PPP3CA: variants seen among roughly 807,000 people sequenced by gnomAD.
PPP3CA encodes protein phosphatase 3 catalytic subunit alpha.
A neutral mutation model predicts 66.5 loss-of-function variants in PPP3CA; 14 were observed. The observed-to-expected ratio is 0.21, with a 90% CI of 0.14 to 0.33. PPP3CA has a LOEUF of 0.33. Ranked by LOEUF, PPP3CA falls within the 10% of genes least tolerant of loss-of-function variation. The probability of loss-of-function intolerance (pLI) is 1.00; values close to 1 mark genes in which losing one functional copy is unlikely to be tolerated. For synonymous variants in PPP3CA, 232 were observed against 226.2 expected (o/e 1.03, Z -0.23); for missense variants, 317 against 639.5 (o/e 0.50, Z 5.44).
intron 13 of PPP3CA, 103 bp from the exon 14 acceptor site, chr4:101,026,164 G>T: frequency 2.1e-6 from 2 of 947,030 alleles, no homozygotes; most frequent in Non-Finnish European, 3.1e-6. Flanking sequence ...CAGTGAGAGG[G>T]AATCCTTCAG....
At chr4:101,330,956 G>A (rs900967805) in intron 1 of PPP3CA, among the ~76,000 whole-genome samples, 4 of 145,894 alleles carry the variant, frequency 2.7e-5, no homozygotes, top group Non-Finnish European at 5.9e-5. Flanking sequence ...TCCCATTGTT[G>A]TGGGCCTCAA....
intron 1 of PPP3CA, among the ~76,000 whole-genome samples, chr4:101,236,890 T>A (rs571645983): frequency 3.3e-5 from 5 of 151,644 alleles, no homozygotes; most frequent in African/African-American, 1.2e-4. Flanking sequence ...TTTTTCTGCC[T>A]ACTAGTTATA....
Position 101,040,475 on chromosome 4 carries a change from C to A in PPP3CA, c.1241+7G>T. The A allele has an allele frequency of 6.3e-7, 1 of 1,589,350 alleles. No individual in the cohort carries two copies. Among genetic ancestry groups the A allele is most frequent in the Non-Finnish European group, 8.6e-7 (1 of 1,167,184 alleles). On this transcript the variant is annotated splice_region_variant and intron_variant, in intron 11 of 13. Transcript: ENST00000394854. ...TTGAAACAAAAACAGAGTACGAATGCACCCACCTGAGCACTGAGAACACTC... is the reference window on the plus strand; with the variant it reads ...TTGAAACAAAAACAGAGTACGAATGAACCCACCTGAGCACTGAGAACACTC...
At chr4:101,039,667 T>C (rs1269497953) in intron 11 of PPP3CA, among the ~76,000 whole-genome samples, 1 of 144,174 alleles carries the variant, frequency 6.9e-6, no homozygotes. Context: ...AGGAAGAGGA[T>C]AGAAATAGCA....
intron 6 of PPP3CA, among the ~76,000 whole-genome samples, chr4:101,089,663 T>C (rs538681185): frequency 6.6e-6 from 1 of 152,328 alleles, no homozygotes; most frequent in Admixed American, 6.5e-5. Flanking sequence ...TTGGTCTACA[T>C]GAAATGAAAA....
chr4:101,164,094 G>GCCTCC (rs1303482765), intron 2 of PPP3CA, among the ~76,000 whole-genome samples: 1 of 15,996 alleles, frequency 6.3e-5, no homozygotes, highest in African/African-American at 3.5e-4. Flanking sequence ...CTGATCCTCT[G>GCCTCC]TGAAGAGCCC....
chr4:101,234,615 G>A (rs1726069817), intron 1 of PPP3CA, among the ~76,000 whole-genome samples: 1 of 150,198 alleles, frequency 6.7e-6, no homozygotes. Context: ...TTTATTAAAT[G>A]CTTTAGGTTA....
rs74947807 is a variant in PPP3CA, at chr4:101,073,228, C to CGTGTGTGTGT, written c.955+7294_955+7303dup. On this transcript the variant is annotated intron_variant, in intron 8 of 13. Coordinates refer to ENST00000394854, the MANE Select transcript of PPP3CA (RefSeq NM_000944.5). ...TCTTTTCTACCACCATATATATATA[C>CGTGTGTGTGT]GTGTGTGTGTGTGTGTGTGTGTGTG... Among the ~76,000 whole-genome samples the CGTGTGTGTGT allele has an allele frequency of 9.7e-4, 140 of 143,818 alleles. 1 individual carries two copies. Among genetic ancestry groups the CGTGTGTGTGT allele is most frequent in the African/African-American group, 3.4e-3 (134 of 39,014 alleles). 94.4% of individuals were successfully genotyped at this position (143,818 alleles called of 152,430 possible). A position where few individuals can be genotyped will look rare whatever the true frequency, so the allele number is the denominator to read the frequency against.
intron 1 of PPP3CA, among the ~76,000 whole-genome samples, chr4:101,236,013 A>C (rs968725043): frequency 5.3e-5 from 8 of 151,532 alleles, no homozygotes; most frequent in Non-Finnish European, 7.4e-5. Context: ...CTGATACAAA[A>C]CACTGACTGC....
At chr4:101,092,612 G>C (rs1578438665) in intron 6 of PPP3CA, among the ~76,000 whole-genome samples, 1 of 151,966 alleles carries the variant, frequency 6.6e-6, no homozygotes. Flanking sequence ...ACAGGCCCTG[G>C]TGTGTGATGT....
intron 1 of PPP3CA, among the ~76,000 whole-genome samples, chr4:101,292,523 G>A (rs984700307): frequency 6.6e-6 from 1 of 152,130 alleles, no homozygotes; most frequent in African/African-American, 2.4e-5. Context: ...TCACTAACAC[G>A]AGTCCTCTTA....
intron 1 of PPP3CA, among the ~76,000 whole-genome samples, chr4:101,228,362 A>C (rs1407359287): frequency 6.6e-6 from 1 of 151,600 alleles, no homozygotes; most frequent in Non-Finnish European, 1.5e-5. Flanking sequence ...CACAATTCAA[A>C]ATTATGAACA....
chr4:101,334,796 T>A (rs1578200797), intron 1 of PPP3CA, among the ~76,000 whole-genome samples: 1 of 152,128 alleles, frequency 6.6e-6, no homozygotes, highest in African/African-American at 2.4e-5. Context: ...CCATGACAGG[T>A]CTCGGCCTTT....
In PPP3CA at chr4:101,048,166, C is replaced by G. The variant is rs564523941; in HGVS notation, c.1157-7600G>C. Among the ~76,000 whole-genome samples the G allele has an allele frequency of 5.3e-4, 80 of 152,110 alleles. 2 individuals carry two copies. The South Asian group carries it at 0.015, about 29-fold the overall frequency. On this transcript the variant is annotated intron_variant, in intron 10 of 13. Transcript: ENST00000394854. ...CCTTTCTGTTAAAATGGAAAAAGGG[C>G]ATTTGAGAAAGAGGAGGCGGGAAAG...
chr4:101,212,177 C>T (rs1024611983), intron 1 of PPP3CA, among the ~76,000 whole-genome samples: 1 of 152,084 alleles, frequency 6.6e-6, no homozygotes, highest in Non-Finnish European at 1.5e-5. Flanking sequence ...TACTTGAAAA[C>T]TCTCATTTGG....
rs562368049 is a variant in PPP3CA, at chr4:101,048,815, A to C, written c.1157-8249T>G. On this transcript the variant is annotated intron_variant, in intron 10 of 13. Transcript: ENST00000394854. Reference sequence around the variant, plus strand: ...TTGACTACAATCTCAGTATATATTAAGAGCCTGCAATGAATGGTGTGATAT... The same window carrying C: ...TTGACTACAATCTCAGTATATATTACGAGCCTGCAATGAATGGTGTGATAT... Among the ~76,000 whole-genome samples, 7 of 152,266 alleles carry C rather than the reference A, an allele frequency of 4.6e-5. No homozygotes were observed. The South Asian group carries it at 1.4e-3, about 32-fold the overall frequency.
At position 101,347,165 on chromosome 4, in the gene PPP3CA, C is replaced by T. The variant is rs1730039340; in HGVS notation, c.-369G>A. 1 of 391,862 alleles carries T rather than the reference C, an allele frequency of 2.6e-6. No individual in the cohort carries two copies. The highest frequency in any genetic ancestry group is 4.7e-6 in the Non-Finnish European group (1 of 213,412). 24.3% of individuals were successfully genotyped at this position (391,862 alleles called of 1,614,324 possible). A position where few individuals can be genotyped will look rare whatever the true frequency, so the allele number is the denominator to read the frequency against. On this transcript the variant is annotated 5_prime_UTR_variant, in exon 1 of 14. Coordinates refer to ENST00000394854, the MANE Select transcript of PPP3CA (RefSeq NM_000944.5). Reference sequence around the variant, plus strand: ...ACGAGCACCCACCCCGGCACGGAGACCCAGCACCGCGGAATGGAGCCCCAC... The same window carrying T: ...ACGAGCACCCACCCCGGCACGGAGATCCAGCACCGCGGAATGGAGCCCCAC...
At chr4:101,224,114 C>T (rs895738293) in intron 1 of PPP3CA, among the ~76,000 whole-genome samples, 4 of 151,604 alleles carry the variant, frequency 2.6e-5, no homozygotes, top group Non-Finnish European at 5.9e-5. Flanking sequence ...TGTTGGGTGA[C>T]CACAAATTTA....
At position 101,116,469 on chromosome 4, in the gene PPP3CA, A is replaced by C. The variant is rs562146776; in HGVS notation, c.260-7391T>G. Reference sequence around the variant, plus strand: ...AAAATCTACAATTTTGCAGAGAAAGATTTTGTTTAGAGGTTTTGTTAGAGG... The same window carrying C: ...AAAATCTACAATTTTGCAGAGAAAGCTTTTGTTTAGAGGTTTTGTTAGAGG... On this transcript the variant is annotated intron_variant, in intron 2 of 13. Transcript: ENST00000394854. Among the ~76,000 whole-genome samples the C allele has an allele frequency of 7.2e-5, 11 of 151,996 alleles. No homozygotes were observed. In the South Asian group the frequency reaches 1.9e-3, roughly 26 times the overall value.
Sources: allele counts gnomAD v4.1 joint callset (sites outside exome capture counted in the v4.1 genomes callset), GRCh38; gene constraint gnomAD v4.1.1; transcripts MANE v1.5; gene names NCBI Gene and HGNC (gene_info 2026-07-23, HGNC 2026-07-21).